Variants in ILDR2 observed in about 807,000 individuals in gnomAD.
The protein encoded by ILDR2 is immunoglobulin like domain containing receptor 2.
In ILDR2, 25 loss-of-function variants were observed where a neutral mutation model predicts 66.8. The ratio of observed to expected loss-of-function variants is 0.37; its 90% CI spans 0.27 to 0.52. The LOEUF is 0.52. Among genes scored for constraint, ILDR2 ranks in the 20% least tolerant of loss-of-function variants. The probability of loss-of-function intolerance (pLI) is 0.88; values close to 1 mark genes in which losing one functional copy is unlikely to be tolerated. For synonymous variants in ILDR2, 367 were observed against 357.2 expected, an observed-to-expected ratio of 1.03 and a Z score of -0.31; for missense variants, 827 against 876.8, an observed-to-expected ratio of 0.94 and a Z score of 0.72.
chr1:166,966,518 T>A (rs901814203), intron 1 of ILDR2, among the ~76,000 whole-genome samples: 6 of 152,242 alleles, frequency 3.9e-5, no homozygotes, highest in Admixed American at 2.0e-4. Flanking sequence ...ATAGTTATTA[T>A]TTGCTGCCAA....
chr1:166,906,182 T>C (rs1659347178), downstream of ILDR2, among the ~76,000 whole-genome samples: 1 of 152,194 alleles, frequency 6.6e-6, no homozygotes, highest in Non-Finnish European at 1.5e-5. Flanking sequence ...AAGCTCACAC[T>C]ACAAGACCTA....
downstream of ILDR2, among the ~76,000 whole-genome samples, chr1:166,907,354 A>G (rs1659366708): frequency 6.6e-6 from 1 of 152,216 alleles, no homozygotes; most frequent in African/African-American, 2.4e-5. Flanking sequence ...AAAATTCCCC[A>G]TGGCCTACTG....
Position 166,935,344 on chromosome 1 carries a change from T to C in ILDR2, c.837A>G (p.Pro279=). 6.2e-7 allele frequency: 1 copy of C among 1,613,292 alleles called. No individual in the cohort carries two copies. The highest frequency in any genetic ancestry group is 8.5e-7 in the Non-Finnish European group (1 of 1,179,844). ...TGGAGTCACTTGGTGCCAAGGGAGG[T>C]GGATGCGGCTTGTCCATCAGCATGC... ...SSGMLMDKPH[P]PPLAPSDSTG... Residue 279 remains proline, a synonymous_variant, in exon 6 of 10, where the codon CCA becomes CCG. Coordinates refer to ENST00000271417, the MANE Select transcript of ILDR2 (RefSeq NM_199351.3).
intron 1 of ILDR2, among the ~76,000 whole-genome samples, chr1:166,973,837 T>C (rs983902789): frequency 6.6e-6 from 1 of 151,994 alleles, no homozygotes; most frequent in Non-Finnish European, 1.5e-5. Context: ...GTGGGAGGGA[T>C]GAACTCAAAG....
chr1:166,950,027 C>G (rs556984650), intron 3 of ILDR2, among the ~76,000 whole-genome samples: 135 of 152,316 alleles, frequency 8.9e-4, no homozygotes, highest in Non-Finnish European at 1.2e-3. Flanking sequence ...TTTGGGGAAT[C>G]AACTCTACTG....
In ILDR2 at chr1:166,911,396, G is replaced by A. The variant is rs1169806474; in HGVS notation, c.*7959C>T. The A allele has an allele frequency of 2.0e-5, 3 of 152,092 alleles. No homozygotes were observed. Among genetic ancestry groups the A allele is most frequent in the African/African-American group, 7.2e-5 (3 of 41,408 alleles). The allele number at this position is 152,092 out of a possible 1,614,324, so 9.4% of individuals were successfully genotyped here. On this transcript the variant is annotated 3_prime_UTR_variant, in exon 10 of 10. Coordinates refer to ENST00000271417, the MANE Select transcript of ILDR2 (RefSeq NM_199351.3). ...TCCCCAGGGTTGCTGTGTATATATA[G>A]AGTCATTATGGAGAAATGTAAGGCA...
chr1:166,945,827 CCTT>C (rs1161387175), intron 3 of ILDR2, among the ~76,000 whole-genome samples: 1 of 152,184 alleles, frequency 6.6e-6, no homozygotes, highest in African/African-American at 2.4e-5. Flanking sequence ...AAGTTGGAGT[CCTT>C]CTAGGGTTTG....
intron 3 of ILDR2, among the ~76,000 whole-genome samples, chr1:166,946,616 C>T (rs1661627902): frequency 6.6e-6 from 1 of 152,098 alleles, no homozygotes; most frequent in Admixed American, 6.6e-5. Context: ...ATATTCTACC[C>T]TATGTTTCAG....
In ILDR2 at chr1:166,911,076, A is replaced by G. The variant is rs915462952; in HGVS notation, c.*8279T>C. 1 of 152,152 alleles carries G rather than the reference A, an allele frequency of 6.6e-6. No individual in the cohort carries two copies. The highest frequency in any genetic ancestry group is 1.5e-5 in the Non-Finnish European group (1 of 68,022). The allele number at this position is 152,152 out of a possible 1,614,324, so 9.4% of individuals were successfully genotyped here. A position where few individuals can be genotyped will look rare whatever the true frequency, so the allele number is the denominator to read the frequency against. On this transcript the variant is annotated 3_prime_UTR_variant, in exon 10 of 10. Transcript: ENST00000271417. ...AGGGCCCGGCCTTCCTTGCCTCTTGAATGAAATCTACATCCATAATTTATT... is the reference window on the plus strand; with the variant it reads ...AGGGCCCGGCCTTCCTTGCCTCTTGGATGAAATCTACATCCATAATTTATT...
chr1:166,920,974 G>C lies in ILDR2; in HGVS notation c.1617C>G (p.Pro539=), dbSNP rs1178346436. The stretch of plus-strand genomic sequence containing the variant: ...GGCTGCCACCGCGGCTGGCGCCCTC[G>C]GGCCGCGCCTGGCGCTCCCGCGCGC... ...LGSARERQAR[P]EGASRGGSLE... is the part of the protein sequence containing the mutation. Residue 539 remains proline, a synonymous_variant, in exon 9 of 10, where the codon CCC becomes CCG. Coordinates refer to ENST00000271417, the MANE Select transcript of ILDR2 (RefSeq NM_199351.3). 6.7e-7 allele frequency: 1 copy of C among 1,487,098 alleles called. No individual in the cohort carries two copies. Among genetic ancestry groups the C allele is most frequent in the Non-Finnish European group, 8.9e-7 (1 of 1,129,824 alleles). The allele number at this position is 1,487,098 out of a possible 1,614,324, so 92.1% of individuals were successfully genotyped here. A position where few individuals can be genotyped will look rare whatever the true frequency, so the allele number is the denominator to read the frequency against.
In ILDR2 at chr1:166,957,879, T is replaced by A. The variant is rs756782311; in HGVS notation, c.269A>T (p.Tyr90Phe). 3.0e-5 allele frequency: 49 copies of A among 1,614,126 alleles called. No individual in the cohort carries two copies. Among genetic ancestry groups the A allele is most frequent in the Non-Finnish European group, 4.0e-5 (47 of 1,180,014 alleles). Reference protein sequence around the residue: ...LSKRNLEWDPYLDCLDSRRTV... With the variant: ...LSKRNLEWDPFLDCLDSRRTV... ...CCTCCTGCTGTCCAAACAATCCAAG[T>A]AGGGGTCCCATTCCAGGTTTCTCTT... Residue 90 changes from tyrosine (Y) to phenylalanine (F), a missense_variant, in exon 2 of 10, where the codon TAC (tyrosine) becomes TTC (phenylalanine). Tyr to Phe is a conservative substitution (Grantham distance 22). Around this residue, in one of 2 missense-constraint regions of ILDR2, gnomAD observed 437 missense variants for 523.2 expected, o/e 0.84. Transcript: ENST00000271417.
chr1:166,907,552 G>A (rs150338549), downstream of ILDR2, among the ~76,000 whole-genome samples: 6 of 152,182 alleles, frequency 3.9e-5, no homozygotes, highest in East Asian at 1.2e-3. Flanking sequence ...ACAATCTGTT[G>A]CTCTAAATTT....
Position 166,952,387 on chromosome 1 carries a change from A to ACTGT in ILDR2, c.499+4345_499+4346insACAG, listed in dbSNP as rs1557949850. Among the ~76,000 whole-genome samples, 13 of 152,332 alleles carry ACTGT rather than the reference A, an allele frequency of 8.5e-5. No individual in the cohort carries two copies. In the South Asian group the frequency reaches 2.5e-3, roughly 29 times the overall value. ...GTCACTGTCATCTTAAAGCACCAAA[A>ACTGT]CACTATGCATTTCCATCTTCACAAT... On this transcript the variant is annotated intron_variant, in intron 3 of 9. Coordinates refer to ENST00000271417, the MANE Select transcript of ILDR2 (RefSeq NM_199351.3).
chr1:166,963,176 T>C (rs535266297), intron 1 of ILDR2, among the ~76,000 whole-genome samples: 49 of 152,306 alleles, frequency 3.2e-4, no homozygotes, highest in African/African-American at 1.2e-3. Flanking sequence ...TAAGTCTAAA[T>C]ATCTCTCAAC....
At chr1:166,905,713 TGGTTG>T (rs1659334433), downstream of ILDR2, among the ~76,000 whole-genome samples, 1 of 152,220 alleles carries the variant, frequency 6.6e-6, no homozygotes, top group Non-Finnish European at 1.5e-5. Flanking sequence ...GCTTTTGGAC[TGGTTG>T]CCTCCTTCAT....
At chr1:166,968,237 T>C (rs964310781) in intron 1 of ILDR2, among the ~76,000 whole-genome samples, 1 of 152,156 alleles carries the variant, frequency 6.6e-6, no homozygotes, top group Non-Finnish European at 1.5e-5. Flanking sequence ...TCAGAAAACA[T>C]CATGCCCTCC....
chr1:166,933,508 A>C, intron 6 of ILDR2: 4 of 972,822 alleles, frequency 4.1e-6, no homozygotes, highest in Non-Finnish European at 4.9e-6. Flanking sequence ...TGACATTTCT[A>C]TTTTAATGCC....
chr1:166,950,265 C>G (rs1045117852), intron 3 of ILDR2, among the ~76,000 whole-genome samples: 1 of 152,162 alleles, frequency 6.6e-6, no homozygotes, highest in Non-Finnish European at 1.5e-5. Context: ...GAAACAGCAG[C>G]AGCCACTCTC....
Position 166,909,758 on chromosome 1 carries a change from TAAA to T in ILDR2, c.*9594_*9596del, listed in dbSNP as rs1659427641. On this transcript the variant is annotated 3_prime_UTR_variant, in exon 10 of 10. Coordinates refer to ENST00000271417, the MANE Select transcript of ILDR2 (RefSeq NM_199351.3). Reference sequence around the variant, plus strand: ...ATACATATATATATATATATATATATAAATATATATAAATATATATATTTATAT... The same window carrying T: ...ATACATATATATATATATATATATATTATATATAAATATATATATTTATAT... 1 of 74,344 alleles carries T rather than the reference TAAA, an allele frequency of 1.3e-5. No homozygotes were observed. The highest frequency in any genetic ancestry group is 1.6e-4 in the Admixed American group (1 of 6,344). 4.6% of individuals were successfully genotyped at this position (74,344 alleles called of 1,614,324 possible). A position where few individuals can be genotyped will look rare whatever the true frequency, so the allele number is the denominator to read the frequency against.
Sources: gnomAD v4.1 joint callset for allele counts (sites outside exome capture counted in the v4.1 genomes callset) on GRCh38, gnomAD v4.1.1 for gene constraint, gnomAD v4.1.1 regional missense constraint, MANE v1.5 for transcripts, NCBI Gene and HGNC (gene_info 2026-07-23, HGNC 2026-07-21) for gene names.